Variants in ANK1 observed in about 807,000 individuals in gnomAD.
ANK1 encodes ankyrin 1, also known as ankyrin-1.
A neutral mutation model predicts 210.4 loss-of-function variants in ANK1; 51 were observed. The ratio of observed to expected loss-of-function variants is 0.24; its 90% CI spans 0.19 to 0.31. The LOEUF is 0.31. Among genes scored for constraint, ANK1 ranks in the 10% least tolerant of loss-of-function variants. The pLI, the probability that ANK1 is intolerant of heterozygous loss-of-function variation, is 1.00. For synonymous variants in ANK1, 967 were observed against 1,025.9 expected (o/e 0.94, Z 1.10); for missense variants, 2,051 against 2,504.4 (o/e 0.82, Z 3.86).
intron 22 of ANK1, 96 bp from the exon 23 acceptor site, chr8:41,699,644 T>C (rs1262634141): frequency 8.5e-7 from 1 of 1,176,794 alleles, no homozygotes. Flanking sequence ...TCTGGGGGCT[T>C]GCTCCTGAGG....
At chr8:41,762,694 A>T (rs1046017382) in intron 1 of ANK1, among the ~76,000 whole-genome samples, 1 of 152,240 alleles carries the variant, frequency 6.6e-6, no homozygotes, top group African/African-American at 2.4e-5. Flanking sequence ...AATGTTACTT[A>T]TGCTACTGAT....
At chr8:41,792,311 C>T (rs889692250) in intron 1 of ANK1, among the ~76,000 whole-genome samples, 1 of 152,208 alleles carries the variant, frequency 6.6e-6, no homozygotes, top group African/African-American at 2.4e-5. Flanking sequence ...CTGGGCTGTG[C>T]TGAGAAACCT....
intron 1 of ANK1, chr8:41,828,923 C>G (rs1039412588): frequency 7.2e-5 from 11 of 152,302 alleles, no homozygotes; most frequent in African/African-American, 2.4e-4. Flanking sequence ...GGGGCGCCGC[C>G]CTCCTCGGGG....
At chr8:41,895,220 A>G (rs1167700057) in intron 1 of ANK1, among the ~76,000 whole-genome samples, 1 of 152,168 alleles carries the variant, frequency 6.6e-6, no homozygotes, top group East Asian at 1.9e-4. Context: ...TTCTCAACCA[A>G]GGCCAGAGCC....
Position 41,671,715 on chromosome 8 carries a change from C to T in ANK1, c.5096+639G>A, listed in dbSNP as rs1375963228. 9.2e-4 allele frequency among the ~76,000 whole-genome samples: 134 copies of T among 145,854 alleles called. 1 individual carries two copies. Among genetic ancestry groups the T allele is most frequent in the African/African-American group, 3.2e-3 (126 of 38,786 alleles). On this transcript the variant is annotated intron_variant, in intron 38 of 42. Transcript: ENST00000289734. ...CCCGATGTCCCTAAGTGAGTCTTCC[C>T]GGCGCCCCGATGTCCTAAGTAAGCC...
At chr8:41,872,910 G>GCC (rs1160957672) in intron 1 of ANK1, among the ~76,000 whole-genome samples, 13 of 152,224 alleles carry the variant, frequency 8.5e-5, no homozygotes, top group African/African-American at 3.1e-4. Context: ...CCAGGTCTCT[G>GCC]TTGACAAAGG....
At chr8:41,806,905 C>A (rs1260557263) in intron 1 of ANK1, among the ~76,000 whole-genome samples, 1 of 152,140 alleles carries the variant, frequency 6.6e-6, no homozygotes, top group African/African-American at 2.4e-5. Flanking sequence ...TTTTACCATC[C>A]ACAGATGTGA....
chr8:41,719,654 C>T lies in ANK1; in HGVS notation c.1107+7G>A, dbSNP rs778402761. ...TCTGCACCTTCTCCAGCAGCACCCC[C>T]ACTCACCAGGGCTCTGGAGTTGGGT... On this transcript the variant is annotated splice_region_variant and intron_variant, in intron 10 of 42. Transcript: ENST00000289734. 10 of 1,614,084 alleles carry T rather than the reference C, an allele frequency of 6.2e-6. No individual in the cohort carries two copies. The highest frequency in any genetic ancestry group is 4.0e-5 in the African/African-American group (3 of 74,940).
rs1433554716 is a variant in ANK1, at chr8:41,708,932, A to G, written c.1844T>C (p.Val615Ala). 30 of 1,613,922 alleles carry G rather than the reference A, an allele frequency of 1.9e-5. No individual in the cohort carries two copies. Among genetic ancestry groups the G allele is most frequent in the Middle Eastern group, 1.6e-4 (1 of 6,076 alleles). ...CTGCAGCAGACTACGGGCCACCTCC[A>G]CCTGGTTCTGCTTGGCAGCGATGTG... Reference protein sequence around the residue: ...PLHIAAKQNQVEVARSLLQYG... With the variant: ...PLHIAAKQNQAEVARSLLQYG... Residue 615 changes from valine (V) to alanine (A), a missense_variant, in exon 17 of 43, where the codon GTG becomes GCG. Around this residue, in one of 6 missense-constraint regions of ANK1, gnomAD observed 1,413 missense variants for 1,707.4 expected, o/e 0.83. Transcript: ENST00000289734.
intron 42 of ANK1, among the ~76,000 whole-genome samples, chr8:41,657,291 T>A (rs1806087753): frequency 6.6e-6 from 1 of 152,198 alleles, no homozygotes. Flanking sequence ...TCAAGTCCCA[T>A]GCTGCCTGAC....
chr8:41,731,215 C>T (rs1390577074), intron 3 of ANK1, among the ~76,000 whole-genome samples: 2 of 152,196 alleles, frequency 1.3e-5, no homozygotes. Context: ...TTTTCTCTGC[C>T]CCTCCCTCAC....
chr8:41,686,206 G>C lies in ANK1; in HGVS notation c.4336C>G (p.Gln1446Glu). Residue 1446 changes from glutamine (Q) to glutamate (E), a missense_variant, in exon 36 of 43, where the codon CAG (glutamine) becomes GAG (glutamate). By Grantham distance (29) the Gln-to-Glu change is conservative (BLOSUM62 2). Transcript: ENST00000289734. ...CAGAGGTTCAGCAAGGCCACACTCT[G>C]CTCCAACAGGGAGTTGGGATTTTCC... The part of the protein sequence containing the change: ...RVENPNSLLE[Q>E]SVALLNLWVI... The C allele has an allele frequency of 6.2e-7, 1 of 1,614,198 alleles. No homozygotes were observed. Among genetic ancestry groups the C allele is most frequent in the African/African-American group, 1.3e-5 (1 of 75,038 alleles).
At chr8:41,686,845 TC>T (rs1330384087) in intron 35 of ANK1, among the ~76,000 whole-genome samples, 1 of 152,076 alleles carries the variant, frequency 6.6e-6, no homozygotes. Flanking sequence ...TTAGCCAAAA[TC>T]CCCCATTATT....
At chr8:41,705,607 G>C (rs924975421) in intron 18 of ANK1, among the ~76,000 whole-genome samples, 2 of 152,034 alleles carry the variant, frequency 1.3e-5, no homozygotes, top group African/African-American at 4.8e-5. Context: ...CCACCTCCTC[G>C]CACCAACTGA....
chr8:41,873,381 T>C (rs1157389624), intron 1 of ANK1, among the ~76,000 whole-genome samples: 3 of 152,258 alleles, frequency 2.0e-5, no homozygotes, highest in Non-Finnish European at 4.4e-5. Context: ...AAGATGGTGA[T>C]GTTAGCATTG....
intron 1 of ANK1, among the ~76,000 whole-genome samples, chr8:41,791,786 C>T (rs1586975045): frequency 6.6e-6 from 1 of 152,182 alleles, no homozygotes; most frequent in African/African-American, 2.4e-5. Context: ...AAGGGCAGAA[C>T]AGTGTTCTGA....
At chr8:41,752,133 C>A (rs553569063) in intron 2 of ANK1, among the ~76,000 whole-genome samples, 1 of 152,322 alleles carries the variant, frequency 6.6e-6, no homozygotes, top group South Asian at 2.1e-4. Flanking sequence ...TCCCAACCAC[C>A]CCACCGAAAT....
chr8:41,848,192 A>AAATG (rs1810448346), intron 1 of ANK1, among the ~76,000 whole-genome samples: 1 of 140,864 alleles, frequency 7.1e-6, no homozygotes, highest in Admixed American at 6.9e-5. Flanking sequence ...TTTCAAAAAT[A>AAATG]AATAAATAAA....
At chr8:41,722,104 T>TGA (rs1330028013) in intron 9 of ANK1, among the ~76,000 whole-genome samples, 5 of 152,106 alleles carry the variant, frequency 3.3e-5, no homozygotes, top group African/African-American at 1.2e-4. Context: ...ATCCCAATAA[T>TGA]CCTAGGAGAG....
Sources: gnomAD v4.1 joint callset for allele counts (sites outside exome capture counted in the v4.1 genomes callset) on GRCh38, gnomAD v4.1.1 for gene constraint, gnomAD v4.1.1 regional missense constraint, MANE v1.5 for transcripts, NCBI Gene and HGNC (gene_info 2026-07-23, HGNC 2026-07-21) for gene names.